Variants in SH3RF2 observed in about 807,000 individuals in gnomAD.
The protein encoded by SH3RF2 is E3 ubiquitin-protein ligase SH3RF2.
Under a neutral mutation model 59.0 loss-of-function variants are expected in SH3RF2, and 43 were observed. The observed-to-expected ratio is 0.73, with a 90% CI of 0.57 to 0.94. The LOEUF is 0.94. Ranked by LOEUF, SH3RF2 falls within the 40% of genes least tolerant of loss-of-function variation. SH3RF2 has a pLI of 0.00. For missense variants in SH3RF2, 930 were observed against 940.1 expected, an observed-to-expected ratio of 0.99 and a Z score of 0.14; for synonymous variants, 391 against 391.5, an observed-to-expected ratio of 1.00 and a Z score of 0.01.
intron 5 of SH3RF2, among the ~76,000 whole-genome samples, chr5:146,030,884 A>C (rs6890967): frequency 0.31 from 47,509 of 152,098 alleles, 8,729 homozygotes; most frequent in Non-Finnish European, 0.41. Context: ...TCTTTACATA[A>C]CATCAATGGC....
At chr5:145,978,301 A>G (rs1291914254) in intron 2 of SH3RF2, among the ~76,000 whole-genome samples, 1 of 152,158 alleles carries the variant, frequency 6.6e-6, no homozygotes, top group East Asian at 1.9e-4. Flanking sequence ...ACCCTGGTCT[A>G]TTTCCTTCTA....
At chr5:145,972,010 C>T (rs1304196037) in intron 2 of SH3RF2, among the ~76,000 whole-genome samples, 1 of 151,986 alleles carries the variant, frequency 6.6e-6, no homozygotes, top group African/African-American at 2.4e-5. Context: ...ATTATCATTC[C>T]CATTTCAAAG....
intron 2 of SH3RF2, among the ~76,000 whole-genome samples, chr5:145,964,180 TTTTC>T (rs1246163152): frequency 6.6e-6 from 1 of 151,630 alleles, no homozygotes; most frequent in African/African-American, 2.4e-5. Flanking sequence ...CTTTCTTTCT[TTTTC>T]TTTCTTCTTT....
intron 2 of SH3RF2, among the ~76,000 whole-genome samples, chr5:145,940,583 A>G (rs1229190730): frequency 2.0e-5 from 3 of 152,156 alleles, no homozygotes; most frequent in East Asian, 3.9e-4. Context: ...AGTTCAGCCA[A>G]TCTAGTCAAA....
Position 146,049,203 on chromosome 5 carries a change from G to T in SH3RF2, c.1280G>T (p.Arg427Leu). 6.2e-7 allele frequency: 1 copy of T among 1,613,814 alleles called. No individual in the cohort carries two copies. Among genetic ancestry groups the T allele is most frequent in the Non-Finnish European group, 8.5e-7 (1 of 1,179,856 alleles). The change falls in exon 7 of 10, where the codon CGA becomes CTA. Residue 427 changes from arginine to leucine, a missense_variant. Coordinates refer to ENST00000359120, the MANE Select transcript of SH3RF2 (RefSeq NM_152550.4). ...WLRGVSLVTG[R>L]VGIFPNNYVI... ...AGGGGCGTCTCCTTGGTCACCGGGCGAGTCGGCATCTTCCCAAACAATTAC... is the reference window on the plus strand; with the variant it reads ...AGGGGCGTCTCCTTGGTCACCGGGCTAGTCGGCATCTTCCCAAACAATTAC...
intron 9 of SH3RF2, among the ~76,000 whole-genome samples, chr5:146,073,327 G>T (rs1466304658): frequency 6.6e-6 from 1 of 152,254 alleles, no homozygotes. Flanking sequence ...CAGCCAGCAA[G>T]CACATTAGTG....
At chr5:145,987,575 T>C (rs1332525792) in intron 2 of SH3RF2, among the ~76,000 whole-genome samples, 1 of 152,200 alleles carries the variant, frequency 6.6e-6, no homozygotes, top group Non-Finnish European at 1.5e-5. Flanking sequence ...GTCTCTGACC[T>C]CCCATGAGGT....
chr5:146,045,581 G>A (rs866829178), intron 5 of SH3RF2, among the ~76,000 whole-genome samples: 1 of 152,168 alleles, frequency 6.6e-6, no homozygotes. Context: ...CAACTAATAT[G>A]TGGTCTTTTG....
At chr5:146,030,065 A>C (rs184278240) in intron 5 of SH3RF2, among the ~76,000 whole-genome samples, 124 of 152,320 alleles carry the variant, frequency 8.1e-4, no homozygotes, top group Admixed American at 1.5e-3. Flanking sequence ...CTGTTTTCTC[A>C]CGCTGAGTAT....
intron 2 of SH3RF2, among the ~76,000 whole-genome samples, chr5:145,984,210 G>A (rs1184724087): frequency 6.6e-6 from 1 of 152,166 alleles, no homozygotes; most frequent in Admixed American, 6.6e-5. Context: ...GACGTAGCAA[G>A]TATAAAGATG....
intron 2 of SH3RF2, among the ~76,000 whole-genome samples, chr5:145,964,710 G>A (rs759432252): frequency 4.5e-4 from 68 of 152,282 alleles, no homozygotes; most frequent in Admixed American, 3.3e-3. Flanking sequence ...TGAGCAGGCT[G>A]TAGAGATTTG....
chr5:145,948,355 C>T (rs1758069668), intron 2 of SH3RF2, among the ~76,000 whole-genome samples: 1 of 152,194 alleles, frequency 6.6e-6, no homozygotes, highest in Non-Finnish European at 1.5e-5. Flanking sequence ...GGATTGCAAA[C>T]CTCAGAATGC....
chr5:145,988,941 T>C (rs1053294229), intron 2 of SH3RF2, among the ~76,000 whole-genome samples: 3 of 152,124 alleles, frequency 2.0e-5, no homozygotes, highest in African/African-American at 7.2e-5. Flanking sequence ...TCCAAAAAGA[T>C]TATCACTATG....
intron 2 of SH3RF2, among the ~76,000 whole-genome samples, chr5:145,954,785 G>T (rs1016612945): frequency 6.6e-6 from 1 of 152,094 alleles, no homozygotes; most frequent in African/African-American, 2.4e-5. Flanking sequence ...CATCAGCTTT[G>T]GGGAGACCTC....
At chr5:146,075,826 C>T in intron 9 of SH3RF2, among the ~76,000 whole-genome samples, 1 of 147,374 alleles carries the variant, frequency 6.8e-6, no homozygotes, top group Non-Finnish European at 1.5e-5. Context: ...AAGCTATCTC[C>T]AGACATCAGG....
At chr5:146,075,290 A>C (rs545929580) in intron 9 of SH3RF2, among the ~76,000 whole-genome samples, 19 of 152,236 alleles carry the variant, frequency 1.2e-4, no homozygotes, top group Non-Finnish European at 2.6e-4. Flanking sequence ...TATGTGTCAG[A>C]CACTATTCTA....
intron 2 of SH3RF2, among the ~76,000 whole-genome samples, chr5:145,993,399 G>T (rs916576244): frequency 3.9e-5 from 6 of 152,202 alleles, no homozygotes; most frequent in Admixed American, 2.6e-4. Context: ...GACTCTGTGG[G>T]GGGGCTCTGA....
At chr5:146,059,502 G>T (rs1171243733) in intron 8 of SH3RF2, among the ~76,000 whole-genome samples, 3 of 151,852 alleles carry the variant, frequency 2.0e-5, no homozygotes, top group African/African-American at 7.2e-5. Flanking sequence ...TTTCCTATTT[G>T]GTCTGACTGC....
intron 6 of SH3RF2, 96 bp from the exon 7 acceptor site, chr5:146,048,978 TA>T: frequency 7.0e-7 from 1 of 1,433,330 alleles, no homozygotes; most frequent in Non-Finnish European, 9.7e-7. Context: ...TTCTTATTGC[TA>T]ACCACTGGGC....
Sources: gnomAD v4.1 joint callset for allele counts (sites outside exome capture counted in the v4.1 genomes callset) on GRCh38, gnomAD v4.1.1 for gene constraint, MANE v1.5 for transcripts, NCBI Gene and HGNC (gene_info 2026-07-23, HGNC 2026-07-21) for gene names.